The following CFAP20DC variants were observed in gnomAD, a reference collection of about 807,000 sequenced individuals.
CFAP20DC encodes the protein protein CFAP20DC.
A neutral mutation model predicts 101.7 loss-of-function variants in CFAP20DC; 84 were observed. The ratio of observed to expected loss-of-function variants is 0.83; its 90% CI spans 0.69 to 0.99. CFAP20DC has a LOEUF of 0.99. Ranked by LOEUF, CFAP20DC falls within the 50% of genes least tolerant of loss-of-function variation. The pLI, the probability that CFAP20DC is intolerant of heterozygous loss-of-function variation, is 0.00. For synonymous variants in CFAP20DC, 359 were observed against 351.2 expected, an observed-to-expected ratio of 1.02 and a Z score of -0.25; for missense variants, 1,007 against 970.3, an observed-to-expected ratio of 1.04 and a Z score of -0.50.
intron 16 of CFAP20DC, among the ~76,000 whole-genome samples, chr3:58,751,446 T>C (rs539555548): frequency 5.9e-5 from 9 of 152,242 alleles, no homozygotes; most frequent in Admixed American, 5.2e-4. Context: ...TCCCTTGGCC[T>C]TGCCTTAGAT....
At chr3:58,986,998 C>T (rs1028890178) in intron 4 of CFAP20DC, among the ~76,000 whole-genome samples, 4 of 151,880 alleles carry the variant, frequency 2.6e-5, no homozygotes, top group South Asian at 2.1e-4. Context: ...ATACCATAAA[C>T]AACAAATTTG....
intron 7 of CFAP20DC, among the ~76,000 whole-genome samples, chr3:58,879,019 A>AC (rs2081014522): frequency 6.6e-6 from 1 of 151,916 alleles, no homozygotes; most frequent in African/African-American, 2.4e-5. Flanking sequence ...GAAAAAAAAA[A>AC]AAAACAAAAG....
intron 5 of CFAP20DC, among the ~76,000 whole-genome samples, chr3:58,928,900 T>C (rs150498217): frequency 6.6e-6 from 1 of 152,342 alleles, no homozygotes; most frequent in Non-Finnish European, 1.5e-5. Flanking sequence ...GCCATATTTA[T>C]CTTTCTTGCC....
Position 59,049,919 on chromosome 3 carries a change from T to G in CFAP20DC, c.-288A>C. 4.1e-6 allele frequency: 2 copies of G among 489,926 alleles called. No individual in the cohort carries two copies. The highest frequency in any genetic ancestry group is 2.9e-5 in the South Asian group (1 of 34,346). 30.3% of individuals were successfully genotyped at this position (489,926 alleles called of 1,614,324 possible). Reference sequence around the variant, plus strand: ...CTCCGGGCCGTCCCTGGGGAGTGATTGTGTGTGTAACCTACGTGACGGGGC... The same window carrying G: ...CTCCGGGCCGTCCCTGGGGAGTGATGGTGTGTGTAACCTACGTGACGGGGC... On this transcript the variant is annotated 5_prime_UTR_variant, in exon 1 of 17. Coordinates refer to ENST00000482387, the MANE Select transcript of CFAP20DC (RefSeq NM_001394063.1).
chr3:58,905,373 T>A (rs539045550), intron 6 of CFAP20DC, among the ~76,000 whole-genome samples: 1 of 152,338 alleles, frequency 6.6e-6, no homozygotes, highest in Admixed American at 6.5e-5. Flanking sequence ...CACAGAATGA[T>A]ATGAGTTAAT....
chr3:58,848,021 G>T (rs1181865229), intron 13 of CFAP20DC, among the ~76,000 whole-genome samples: 1 of 115,990 alleles, frequency 8.6e-6, no homozygotes, highest in East Asian at 2.8e-4. Flanking sequence ...CTGTTGTGGG[G>T]TGGGGGGAGG....
At chr3:58,773,375 A>G (rs2071031260) in intron 15 of CFAP20DC, among the ~76,000 whole-genome samples, 1 of 149,056 alleles carries the variant, frequency 6.7e-6, no homozygotes, top group African/African-American at 2.5e-5. Flanking sequence ...ATATAGTGAG[A>G]CCTCATCTCT....
At chr3:58,753,693 C>A in intron 16 of CFAP20DC, 76 bp downstream of exon 16, 1 of 1,008,024 alleles carries the variant, frequency 9.9e-7, no homozygotes. Flanking sequence ...ACAGTGGCAT[C>A]TCAAAGTGAT....
chr3:58,877,106 T>G (rs2108588416), intron 7 of CFAP20DC, among the ~76,000 whole-genome samples: 1 of 152,332 alleles, frequency 6.6e-6, no homozygotes, highest in Admixed American at 6.5e-5. Context: ...TAATACCTAG[T>G]AAATATGCTA....
chr3:58,842,888 C>T (rs1472187181), intron 13 of CFAP20DC, among the ~76,000 whole-genome samples: 1 of 152,174 alleles, frequency 6.6e-6, no homozygotes, highest in African/African-American at 2.4e-5. Flanking sequence ...GGGAGGCAAC[C>T]CCCAGCAGGG....
chr3:59,013,725 A>C (rs1218623366), intron 4 of CFAP20DC, among the ~76,000 whole-genome samples: 2 of 152,184 alleles, frequency 1.3e-5, no homozygotes, highest in African/African-American at 4.8e-5. Flanking sequence ...CCAAATATTA[A>C]GCTATTTTTG....
At chr3:59,024,701 A>G (rs2109021652) in intron 4 of CFAP20DC, among the ~76,000 whole-genome samples, 1 of 152,316 alleles carries the variant, frequency 6.6e-6, no homozygotes, top group Middle Eastern at 3.4e-3. Flanking sequence ...TTGTATTTAC[A>G]ACTACCCAAC....
At chr3:58,801,735 T>G (rs2107698406) in intron 15 of CFAP20DC, among the ~76,000 whole-genome samples, 1 of 152,100 alleles carries the variant, frequency 6.6e-6, no homozygotes, top group Middle Eastern at 3.4e-3. Context: ...GGAACTGAGG[T>G]CAGTGGTTAT....
chr3:59,011,200 C>T (rs984295512), intron 4 of CFAP20DC, among the ~76,000 whole-genome samples: 3 of 152,182 alleles, frequency 2.0e-5, no homozygotes, highest in Admixed American at 1.3e-4. Context: ...TAGCTCAAAA[C>T]CAGCCTGGCC....
chr3:58,820,857 G>C (rs201383038), intron 14 of CFAP20DC, among the ~76,000 whole-genome samples: 20,535 of 140,804 alleles, frequency 0.15, 3,057 homozygotes, highest in African/African-American at 0.37. Context: ...GCCAAAAGAA[G>C]AAAGCTGGAG....
At position 58,799,733 on chromosome 3, in the gene CFAP20DC, CTGTGTGTGTGTG is replaced by C. The variant is rs112827949; in HGVS notation, c.2237+6650_2237+6661del. Reference sequence around the variant, plus strand: ...AGTGTGTGTGTGTCTGTGTGTGTGTCTGTGTGTGTGTGTGTGTGTGTGTGTGTGTGTGTGTAG... The same window carrying C: ...AGTGTGTGTGTGTCTGTGTGTGTGTCTGTGTGTGTGTGTGTGTGTGTGTAG... On this transcript the variant is annotated intron_variant, in intron 15 of 16. Coordinates refer to ENST00000482387, the MANE Select transcript of CFAP20DC (RefSeq NM_001394063.1). This position sits in a 1 kb window ranked among gnomAD's most constrained non-coding sequence, Gnocchi z 4.9. Among the ~76,000 whole-genome samples, 1,138 of 142,974 alleles carry C rather than the reference CTGTGTGTGTGTG, an allele frequency of 8.0e-3. 14 individuals are homozygous for C. Among genetic ancestry groups the C allele is most frequent in the African/African-American group, 0.027 (1,059 of 39,712 alleles). 93.8% of individuals were successfully genotyped at this position (142,974 alleles called of 152,430 possible). A position where few individuals can be genotyped will look rare whatever the true frequency, so the allele number is the denominator to read the frequency against.
At position 58,914,536 on chromosome 3, in the gene CFAP20DC, A is replaced by C. The variant is rs1233168939; in HGVS notation, c.394-672T>G. Reference sequence around the variant, plus strand: ...ATCATTTGGCAAGAAACAAAGACATATTTAAGACTGTAGGACAAAAGCCAG... The same window carrying C: ...ATCATTTGGCAAGAAACAAAGACATCTTTAAGACTGTAGGACAAAAGCCAG... On this transcript the variant is annotated intron_variant, in intron 5 of 16. Transcript: ENST00000482387. This position sits in a 1 kb window ranked among gnomAD's most constrained non-coding sequence, Gnocchi z 4.9. 6.6e-6 allele frequency among the ~76,000 whole-genome samples: 1 copy of C among 152,092 alleles called. No homozygotes were observed. The highest frequency in any genetic ancestry group is 1.5e-5 in the Non-Finnish European group (1 of 67,988).
chr3:58,996,063 T>A lies in CFAP20DC; in HGVS notation c.278+43494A>T, dbSNP rs542156615. 5.3e-5 allele frequency among the ~76,000 whole-genome samples: 8 copies of A among 152,014 alleles called. No individual in the cohort carries two copies. The East Asian group carries it at 1.5e-3, about 29-fold the overall frequency. ...TCTGGAGAGCCCAGATTAATATAAT[T>A]ACTAATTTCATGTTAAATTGCTTTG... On this transcript the variant is annotated intron_variant, in intron 4 of 16. Coordinates refer to ENST00000482387, the MANE Select transcript of CFAP20DC (RefSeq NM_001394063.1).
At chr3:58,794,852 T>A (rs990401105) in intron 15 of CFAP20DC, among the ~76,000 whole-genome samples, 1 of 152,188 alleles carries the variant, frequency 6.6e-6, no homozygotes, top group Admixed American at 6.5e-5. Context: ...AAAATACTCA[T>A]CGAGCGTTGC....
Sources: allele counts gnomAD v4.1 joint callset (sites outside exome capture counted in the v4.1 genomes callset), GRCh38; gene constraint gnomAD v4.1.1; non-coding constraint Gnocchi (gnomAD v3.1); transcripts MANE v1.5; gene names NCBI Gene and HGNC (gene_info 2026-07-23, HGNC 2026-07-21).